The following NCSTN variants were observed in gnomAD, a reference collection of about 807,000 sequenced individuals.
The protein encoded by NCSTN is nicastrin, also known as anterior pharynx-defective 2.
In NCSTN, 22 loss-of-function variants were observed where a neutral mutation model predicts 87.0. That is an observed-to-expected ratio of 0.25 (90% confidence interval 0.18 to 0.36). The LOEUF is 0.36. Ranked by LOEUF, NCSTN falls within the 10% of genes least tolerant of loss-of-function variation. NCSTN has a pLI of 1.00. For missense variants in NCSTN, 693 were observed against 883.3 expected (o/e 0.78, Z 2.73); for synonymous variants, 306 against 327.1 (o/e 0.94, Z 0.69).
At chr1:160,350,490 C>G (rs545366390) in intron 5 of NCSTN, among the ~76,000 whole-genome samples, 2 of 151,204 alleles carry the variant, frequency 1.3e-5, no homozygotes, top group South Asian at 4.2e-4. Flanking sequence ...TTTATAGGCT[C>G]TCCTATTTGG....
Position 160,355,908 on chromosome 1 carries a change from C to G in NCSTN, c.1501C>G (p.Leu501Val), listed in dbSNP as rs746349344. Residue 501 changes from leucine (L) to valine (V), a missense_variant, in exon 13 of 17, where the codon CTT becomes GTT. Physicochemically the swap from Leu to Val is conservative, Grantham distance 32 (BLOSUM62 1). Coordinates refer to ENST00000294785, the MANE Select transcript of NCSTN (RefSeq NM_015331.3). ...GGTGCTGGGACGTGCTCTGTATGAGCTTGCAGGAGGAACCAACTTCAGCGA... is the reference window on the plus strand; with the variant it reads ...GGTGCTGGGACGTGCTCTGTATGAGGTTGCAGGAGGAACCAACTTCAGCGA... ...ATVLGRALYE[L>V]AGGTNFSDTV... 2 of 1,614,122 alleles carry G rather than the reference C, an allele frequency of 1.2e-6. No homozygotes were observed. The highest frequency in any genetic ancestry group is 1.7e-6 in the Non-Finnish European group (2 of 1,180,052).
chr1:160,356,384 G>A lies in NCSTN; in HGVS notation c.1639+37G>A, dbSNP rs766976198. The A allele has an allele frequency of 1.9e-6, 3 of 1,539,154 alleles. No homozygotes were observed. The East Asian group carries it at 6.7e-5, about 35-fold the overall frequency. ...GTGTGGGAATGGGACCCTTAGCTGAGGAAAGGGATAGAGAAAAAGTCTTTT... is the reference window on the plus strand; with the variant it reads ...GTGTGGGAATGGGACCCTTAGCTGAAGAAAGGGATAGAGAAAAAGTCTTTT... On this transcript the variant is annotated intron_variant, in intron 14 of 16. Transcript: ENST00000294785.
At chr1:160,345,009 G>A in intron 2 of NCSTN, 183 bp downstream of exon 2, 1 of 661,258 alleles carries the variant, frequency 1.5e-6, no homozygotes, top group South Asian at 1.7e-5. Context: ...AGTAAATGCT[G>A]CATACCAAGC....
Position 160,351,271 on chromosome 1 carries a change from C to A in NCSTN, c.632C>A (p.Pro211Gln). 6.2e-7 allele frequency: 1 copy of A among 1,614,162 alleles called. No individual in the cohort carries two copies. The highest frequency in any genetic ancestry group is 8.5e-7 in the Non-Finnish European group (1 of 1,180,010). The change falls in exon 6 of 17, where the codon CCA becomes CAA. Residue 211 changes from proline (P) to glutamine (Q), a missense_variant. Pro to Gln is a moderately conservative substitution (Grantham distance 76). This residue lies in a region of NCSTN where 134 missense variants were observed against 226.0 expected (regional missense o/e 0.59). Transcript: ENST00000294785. Reference sequence around the variant, plus strand: ...CAGAATGGCTCAGCACCAACCTTCCCACTATGTGCCATGCAGCTCTTTTCA... The same window carrying A: ...CAGAATGGCTCAGCACCAACCTTCCAACTATGTGCCATGCAGCTCTTTTCA... Reference protein sequence around the residue: ...LSQNGSAPTFPLCAMQLFSHM... With the variant: ...LSQNGSAPTFQLCAMQLFSHM...
At chr1:160,348,084 A>G (rs1440746683) in intron 2 of NCSTN, among the ~76,000 whole-genome samples, 1 of 152,264 alleles carries the variant, frequency 6.6e-6, no homozygotes, top group South Asian at 2.1e-4. Flanking sequence ...CTACTGGTCT[A>G]AAATAATTGA....
chr1:160,351,493 A>T lies in NCSTN; in HGVS notation c.733+121A>T. On this transcript the variant is annotated intron_variant, in intron 6 of 16. Transcript: ENST00000294785. ...AGTAGACACCATGAAGGAGCTCTGC[A>T]TGGGAGAACTAGAAACAATTCTGAA... is the stretch of plus-strand genomic sequence containing the variant. The T allele has an allele frequency of 2.2e-6, 3 of 1,363,372 alleles. No homozygotes were observed. The South Asian group carries it at 3.7e-5, about 17-fold the overall frequency. The allele number at this position is 1,363,372 out of a possible 1,614,324, so 84.5% of individuals were successfully genotyped here.
rs116429041 is a variant in NCSTN at position 160,357,724 on chromosome 1, G to C, written c.2008-425G>C. 3.3e-3 allele frequency among the ~76,000 whole-genome samples: 501 copies of C among 152,308 alleles called. 1 individual carries two copies. Among genetic ancestry groups the C allele is most frequent in the Non-Finnish European group, 5.0e-3 (342 of 68,024 alleles). On this transcript the variant is annotated intron_variant, in intron 16 of 16. Transcript: ENST00000294785. ...CCCGGCCAGGAGGCCTTTCTTCACA[G>C]ATAGTTTGAGTAGGTGTTCATTCTG...
At position 160,351,413 on chromosome 1, in the gene NCSTN, C is replaced by G. The variant is rs201176011; in HGVS notation, c.733+41C>G. 4.0e-5 allele frequency: 64 copies of G among 1,604,470 alleles called. 1 individual carries two copies. The East Asian group carries it at 1.4e-3, about 35-fold the overall frequency. On this transcript the variant is annotated intron_variant, in intron 6 of 16. Coordinates refer to ENST00000294785, the MANE Select transcript of NCSTN (RefSeq NM_015331.3). The stretch of plus-strand genomic sequence containing the variant: ...ACCATGAGGGTAATGGAATAAGGGG[C>G]AGAGGGAGAGTGGAACCAGGCCAGG...
chr1:160,356,868 C>T, intron 15 of NCSTN, 114 bp downstream of exon 15: 1 of 1,444,572 alleles, frequency 6.9e-7, no homozygotes, highest in East Asian at 2.4e-5. Flanking sequence ...TGGAGAGATG[C>T]AGTCCTCAGC....
intron 10 of NCSTN, 39 bp downstream of exon 10, chr1:160,353,276 C>T (rs199933798): frequency 6.4e-5 from 103 of 1,613,808 alleles, no homozygotes; most frequent in Admixed American, 1.7e-5. Context: ...ATTCCTACAG[C>T]TCAGAATCCA....
At position 160,344,929 on chromosome 1, in the gene NCSTN, G is replaced by C. The variant is rs770409165; in HGVS notation, c.190+103G>C. The C allele has an allele frequency of 1.1e-4, 101 of 954,166 alleles. 1 individual carries two copies. Among genetic ancestry groups the C allele is most frequent in the Non-Finnish European group, 1.6e-4 (98 of 594,050 alleles). The allele number at this position is 954,166 out of a possible 1,614,324, so 59.1% of individuals were successfully genotyped here. A position where few individuals can be genotyped will look rare whatever the true frequency, so the allele number is the denominator to read the frequency against. On this transcript the variant is annotated intron_variant, in intron 2 of 16. Transcript: ENST00000294785. Reference sequence around the variant, plus strand: ...CTTAGGAGATTTGACACTTATATTGGACTGTATGTAGGCAGTTACAGATAA... The same window carrying C: ...CTTAGGAGATTTGACACTTATATTGCACTGTATGTAGGCAGTTACAGATAA...
At position 160,354,908 on chromosome 1, in the gene NCSTN, C is replaced by T. The variant is rs186278716; in HGVS notation, c.1352+618C>T. ...AGCTTCCCGAGGGCCAAATGAGTTT[C>T]GTAGTGAAAATGCTTGAGCTCTATT... is the stretch of plus-strand genomic sequence containing the variant. On this transcript the variant is annotated intron_variant, in intron 11 of 16. Transcript: ENST00000294785. 2.0e-3 allele frequency among the ~76,000 whole-genome samples: 297 copies of T among 152,274 alleles called. 2 individuals are homozygous for T. Among genetic ancestry groups the T allele is most frequent in the African/African-American group, 6.7e-3 (278 of 41,528 alleles).
At chr1:160,348,831 C>T (rs1393914748) in intron 2 of NCSTN, among the ~76,000 whole-genome samples, 168 bp from the exon 3 acceptor site, 3 of 152,174 alleles carry the variant, frequency 2.0e-5, no homozygotes, top group African/African-American at 7.2e-5. Flanking sequence ...TCCTGATAAC[C>T]TTCAGATGGA....
In NCSTN at chr1:160,358,476, T is replaced by A; in HGVS notation, c.*205T>A. 1.5e-6 allele frequency: 1 copy of A among 651,126 alleles called. No homozygotes were observed. The highest frequency in any genetic ancestry group is 2.4e-5 in the Admixed American group (1 of 41,140). 40.3% of individuals were successfully genotyped at this position (651,126 alleles called of 1,614,324 possible). Reference sequence around the variant, plus strand: ...CTCCGCTCCCCTTTCCCATCACCCCTTCCCCATTTCCTCTTCCTTCTCTAC... The same window carrying A: ...CTCCGCTCCCCTTTCCCATCACCCCATCCCCATTTCCTCTTCCTTCTCTAC... On this transcript the variant is annotated 3_prime_UTR_variant, in exon 17 of 17. Transcript: ENST00000294785.
intron 5 of NCSTN, among the ~76,000 whole-genome samples, chr1:160,350,460 A>G (rs1029924219): frequency 6.6e-6 from 1 of 151,802 alleles, no homozygotes; most frequent in East Asian, 1.9e-4. Context: ...TCACAAAAAA[A>G]AAAAAAAAAA....
intron 10 of NCSTN, chr1:160,353,750 T>C (rs1009829332): frequency 1.0e-6 from 1 of 979,666 alleles, no homozygotes; most frequent in Non-Finnish European, 1.2e-6. Flanking sequence ...AAAGAATTGG[T>C]TATCTGTTTG....
intron 5 of NCSTN, among the ~76,000 whole-genome samples, chr1:160,350,854 A>G (rs1195856028): frequency 6.6e-6 from 1 of 152,140 alleles, no homozygotes; most frequent in Non-Finnish European, 1.5e-5. Context: ...CCAAAGTTGT[A>G]TGGTGAGTTG....
chr1:160,347,198 C>A (rs1215056182), intron 2 of NCSTN, among the ~76,000 whole-genome samples: 1 of 152,186 alleles, frequency 6.6e-6, no homozygotes, highest in African/African-American at 2.4e-5. Flanking sequence ...GATCTTGGTT[C>A]CTTTTCAACC....
Position 160,343,390 on chromosome 1 carries a change from A to G in NCSTN, c.-7A>G. 6.2e-7 allele frequency: 1 copy of G among 1,612,910 alleles called. No homozygotes were observed. Among genetic ancestry groups the G allele is most frequent in the Non-Finnish European group, 8.5e-7 (1 of 1,179,650 alleles). On this transcript the variant is annotated 5_prime_UTR_variant, in exon 1 of 17. Coordinates refer to ENST00000294785, the MANE Select transcript of NCSTN (RefSeq NM_015331.3). ...GAACGGGGGCTTCCGCTCAGCAGAG[A>G]GGCAAGATGGCTACGGCAGGGGGTG...
Sources: gnomAD v4.1 joint callset for allele counts (sites outside exome capture counted in the v4.1 genomes callset) on GRCh38, gnomAD v4.1.1 for gene constraint, gnomAD v4.1.1 regional missense constraint, MANE v1.5 for transcripts, NCBI Gene and HGNC (gene_info 2026-07-23, HGNC 2026-07-21) for gene names.